Variants in FRMD5 observed in about 807,000 individuals in gnomAD.
FRMD5 encodes FERM domain containing 5.
Under a neutral mutation model 69.0 loss-of-function variants are expected in FRMD5, and 20 were observed. That is an observed-to-expected ratio of 0.29 (90% CI 0.20 to 0.42). The LOEUF (loss-of-function observed/expected upper bound fraction) is 0.42. Among genes scored for constraint, FRMD5 ranks in the 10% least tolerant of loss-of-function variants. FRMD5 has a pLI of 1.00. For synonymous variants in FRMD5, 271 were observed against 260.1 expected, an observed-to-expected ratio of 1.04 and a Z score of -0.40; for missense variants, 595 against 708.6, an observed-to-expected ratio of 0.84 and a Z score of 1.82.
chr15:44,037,554 G>A (rs1891975597), intron 1 of FRMD5, among the ~76,000 whole-genome samples: 1 of 147,058 alleles, frequency 6.8e-6, no homozygotes, highest in African/African-American at 2.5e-5. Context: ...TGCAACCTCT[G>A]CCTCCCAGGT....
In FRMD5 at chr15:43,873,178, CT is replaced by C. The variant is rs2088209654; in HGVS notation, c.*706del. 1 of 1,550,568 alleles carries C rather than the reference CT, an allele frequency of 6.4e-7. No homozygotes were observed. Among genetic ancestry groups the C allele is most frequent in the Non-Finnish European group, 8.7e-7 (1 of 1,146,976 alleles). On this transcript the variant is annotated 3_prime_UTR_variant, in exon 14 of 14. Coordinates refer to ENST00000417257, the MANE Select transcript of FRMD5 (RefSeq NM_032892.5). Reference sequence around the variant, plus strand: ...CTAAGGGGACAGACTTACCCCACCCCTGATGCTGCTGTTGCTGTAGCGGTGG... The same window carrying C: ...CTAAGGGGACAGACTTACCCCACCCCGATGCTGCTGTTGCTGTAGCGGTGG...
Position 43,873,471 on chromosome 15 carries a change from A to G in FRMD5, c.*414T>C, listed in dbSNP as rs1213836813. On this transcript the variant is annotated 3_prime_UTR_variant, in exon 14 of 14. Transcript: ENST00000417257. ...AAAGCTCCTGCAGAATACAGAGGAC[A>G]GCAGCTCTCTAGTTTTCAACTAGTG... 2.1e-6 allele frequency: 3 copies of G among 1,424,686 alleles called. No individual in the cohort carries two copies. The Admixed American group carries it at 9.1e-5, about 43-fold the overall frequency. 88.3% of individuals were successfully genotyped at this position (1,424,686 alleles called of 1,614,324 possible). A position where few individuals can be genotyped will look rare whatever the true frequency, so the allele number is the denominator to read the frequency against.
Position 44,024,219 on chromosome 15 carries a change from A to AT in FRMD5, c.103-99911dup, listed in dbSNP as rs560729463. Among the ~76,000 whole-genome samples, 62 of 147,152 alleles carry AT rather than the reference A, an allele frequency of 4.2e-4. 1 individual carries two copies. Among genetic ancestry groups the AT allele is most frequent in the Admixed American group, 1.4e-3 (20 of 14,700 alleles). ...AGATCATTTGTTTTAACTCCCTATG[A>AT]TTTTTTTTTTTATGATTTTCGACTG... On this transcript the variant is annotated intron_variant, in intron 1 of 13. Transcript: ENST00000417257.
chr15:43,993,294 GCA>G (rs1354320623), intron 1 of FRMD5, among the ~76,000 whole-genome samples: 3 of 152,120 alleles, frequency 2.0e-5, no homozygotes, highest in African/African-American at 4.8e-5. Flanking sequence ...CCAGGTTCAA[GCA>G]ATTCTCCTGC....
intron 7 of FRMD5, among the ~76,000 whole-genome samples, chr15:43,900,935 T>A (rs779784030): frequency 1.1e-4 from 17 of 152,150 alleles, no homozygotes; most frequent in Admixed American, 2.0e-4. Flanking sequence ...TGTTATGCGC[T>A]ATACACTGTG....
At chr15:43,916,423 G>A (rs2089388231) in intron 4 of FRMD5, among the ~76,000 whole-genome samples, 2 of 152,230 alleles carry the variant, frequency 1.3e-5, no homozygotes, top group Admixed American at 1.3e-4. Context: ...AACTGTACTT[G>A]TGCATGATGC....
intron 1 of FRMD5, among the ~76,000 whole-genome samples, chr15:44,005,308 C>T (rs1186058091): frequency 2.0e-5 from 3 of 151,718 alleles, no homozygotes; most frequent in African/African-American, 7.3e-5. Flanking sequence ...TGGTGAAACC[C>T]CGTCTCTACA....
chr15:44,195,629 T>C (rs879938210), upstream of FRMD5, among the ~76,000 whole-genome samples: 3 of 151,690 alleles, frequency 2.0e-5, no homozygotes, highest in Admixed American at 6.6e-5. Flanking sequence ...AACACCGCGG[T>C]TCCCGCCCTC....
At chr15:43,945,721 A>G (rs2089935715) in intron 1 of FRMD5, among the ~76,000 whole-genome samples, 1 of 152,144 alleles carries the variant, frequency 6.6e-6, no homozygotes, top group Non-Finnish European at 1.5e-5. Flanking sequence ...GGGAGGGCAC[A>G]TTGCACCATA....
chr15:43,880,183 A>G (rs2088484649), intron 13 of FRMD5, among the ~76,000 whole-genome samples: 1 of 152,210 alleles, frequency 6.6e-6, no homozygotes, highest in Non-Finnish European at 1.5e-5. Flanking sequence ...TGGTCAGCCT[A>G]GCTTTGGGGC....
chr15:44,147,116 T>C (rs561440207), intron 1 of FRMD5, among the ~76,000 whole-genome samples: 3 of 152,326 alleles, frequency 2.0e-5, no homozygotes, highest in South Asian at 2.1e-4. Context: ...GTTTTTATAG[T>C]TTTGAGTTTT....
rs1392015518 is a variant in FRMD5 at position 44,177,338 on chromosome 15, C to CA, written c.102+17614dup. Among the ~76,000 whole-genome samples, 16 of 152,022 alleles carry CA rather than the reference C, an allele frequency of 1.1e-4. 1 individual carries two copies. In the South Asian group the frequency reaches 3.1e-3, roughly 30 times the overall value. On this transcript the variant is annotated intron_variant, in intron 1 of 13. Transcript: ENST00000417257. ...AAATGTCCATCAACTGATGAATAAA[C>CA]AAAATGTGGTATATCTATGACCTAT...
chr15:43,984,145 C>A (rs925075648), intron 1 of FRMD5, among the ~76,000 whole-genome samples: 3 of 152,158 alleles, frequency 2.0e-5, no homozygotes, highest in African/African-American at 4.8e-5. Flanking sequence ...TGAACTTACA[C>A]AACATATCAA....
Position 43,874,231 on chromosome 15 carries a change from A to T in FRMD5, c.1367T>A (p.Ile456Asn). 6.2e-7 allele frequency: 1 copy of T among 1,614,168 alleles called. No individual in the cohort carries two copies. Among genetic ancestry groups the T allele is most frequent in the South Asian group, 1.1e-5 (1 of 91,076 alleles). The change falls in exon 14 of 14, where the codon ATT (isoleucine) becomes AAT (asparagine). Residue 456 changes from isoleucine to asparagine, a missense_variant. Physicochemically the swap from Ile to Asn is moderately radical, Grantham distance 149. Around this residue, in one of 5 missense-constraint regions of FRMD5, gnomAD observed 245 missense variants for 227.1 expected, o/e 1.08. Coordinates refer to ENST00000417257, the MANE Select transcript of FRMD5 (RefSeq NM_032892.5). ...GGCTTCAGATTCCTTCTCCTCCTCA[A>T]TGCTGCAGGTGGCTCCATTGATCTG... ...SRQINGATCS[I>N]EEEKESEAST...
rs1306697524 is a variant in FRMD5 at position 43,873,542 on chromosome 15, ATAAAT to A, written c.*338_*342del. 3 of 1,391,598 alleles carry A rather than the reference ATAAAT, an allele frequency of 2.2e-6. No homozygotes were observed. The highest frequency in any genetic ancestry group is 2.9e-5 in the African/African-American group (2 of 68,464). The allele number at this position is 1,391,598 out of a possible 1,614,324, so 86.2% of individuals were successfully genotyped here. On this transcript the variant is annotated 3_prime_UTR_variant, in exon 14 of 14. Coordinates refer to ENST00000417257, the MANE Select transcript of FRMD5 (RefSeq NM_032892.5). ...TACTGCAATAATCAGTAATAGTAAA[ATAAAT>A]TATTTTTATTTGATACTTCAAAATA... is the stretch of plus-strand genomic sequence containing the variant.
chr15:44,036,452 GC>G (rs932981251), intron 1 of FRMD5, among the ~76,000 whole-genome samples: 2 of 152,100 alleles, frequency 1.3e-5, no homozygotes, highest in African/African-American at 4.8e-5. Context: ...ATAGGCACCG[GC>G]AGCTGGGCCC....
chr15:44,142,004 T>C (rs1264440079), intron 1 of FRMD5, among the ~76,000 whole-genome samples: 2 of 152,176 alleles, frequency 1.3e-5, no homozygotes, highest in Non-Finnish European at 2.9e-5. Flanking sequence ...TCCTTGTCTG[T>C]GGCCTTTTCC....
chr15:43,978,333 A>G (rs2930528), intron 1 of FRMD5, among the ~76,000 whole-genome samples: 14,905 of 152,234 alleles, frequency 0.098, 1,282 homozygotes, highest in African/African-American at 0.23. Context: ...GACTGACCCT[A>G]CCAAGTGTTG....
chr15:44,060,710 C>T (rs534296852), intron 1 of FRMD5, among the ~76,000 whole-genome samples: 6 of 151,916 alleles, frequency 3.9e-5, no homozygotes, highest in South Asian at 4.2e-4. Context: ...AATTCTATGA[C>T]GACTGCCTAA....
Sources: gnomAD v4.1 joint callset for allele counts (sites outside exome capture counted in the v4.1 genomes callset) on GRCh38, gnomAD v4.1.1 for gene constraint, gnomAD v4.1.1 regional missense constraint, MANE v1.5 for transcripts, NCBI Gene and HGNC (gene_info 2026-07-23, HGNC 2026-07-21) for gene names.